Variants in SBNO1 observed in about 807,000 individuals in gnomAD.
The protein encoded by SBNO1 is strawberry notch homolog 1.
Under a neutral mutation model 173.6 loss-of-function variants are expected in SBNO1, and 23 were observed. That is an observed-to-expected ratio of 0.13 (90% CI 0.10 to 0.19). SBNO1 has a LOEUF of 0.19. Ranked by LOEUF, SBNO1 falls within the 10% of genes least tolerant of loss-of-function variation. The pLI is 1.00. For missense variants in SBNO1, 1,238 were observed against 1,671.2 expected (o/e 0.74, Z 4.52); for synonymous variants, 632 against 571.5 (o/e 1.11, Z -1.51).
At chr12:123,325,133 A>T (rs1331029605) in intron 15 of SBNO1, among the ~76,000 whole-genome samples, 1 of 152,204 alleles carries the variant, frequency 6.6e-6, no homozygotes, top group African/African-American at 2.4e-5. Flanking sequence ...AGACTTCGTT[A>T]TATTAGGACA....
chr12:123,339,651 G>C (rs891911066), intron 5 of SBNO1, among the ~76,000 whole-genome samples: 11 of 152,018 alleles, frequency 7.2e-5, no homozygotes, highest in African/African-American at 1.4e-4. Flanking sequence ...GCCAGGGCTG[G>C]TGGTGGGCAC....
Position 123,364,778 on chromosome 12 carries a change from A to AGGC in SBNO1, c.-81_-79dup, listed in dbSNP as rs1566062574. ...GAAGGACCAGAGGCGACTGGAGCGG[A>AGGC]GGCGGCGGTGGCGGCGGCAGCAGCG... On this transcript the variant is annotated 5_prime_UTR_variant, in exon 1 of 32. Transcript: ENST00000602398. 1 of 987,824 alleles carries AGGC rather than the reference A, an allele frequency of 1.0e-6. No homozygotes were observed. Among genetic ancestry groups the AGGC allele is most frequent in the African/African-American group, 1.8e-5 (1 of 57,006 alleles). 61.2% of individuals were successfully genotyped at this position (987,824 alleles called of 1,614,324 possible).
chr12:123,330,409 G>A lies in SBNO1; in HGVS notation c.1134+10C>T. 1 of 1,446,772 alleles carries A rather than the reference G, an allele frequency of 6.9e-7. No homozygotes were observed. Among genetic ancestry groups the A allele is most frequent in the Non-Finnish European group, 9.6e-7 (1 of 1,036,532 alleles). 89.6% of individuals were successfully genotyped at this position (1,446,772 alleles called of 1,614,324 possible). A position where few individuals can be genotyped will look rare whatever the true frequency, so the allele number is the denominator to read the frequency against. On this transcript the variant is annotated intron_variant, in intron 9 of 31. Coordinates refer to ENST00000602398, the MANE Select transcript of SBNO1 (RefSeq NM_001167856.3). ...TATTGAATGACCAACTGAATAAAAAGATTTCATACCTTATTTAACGAATGA... is the reference window on the plus strand; with the variant it reads ...TATTGAATGACCAACTGAATAAAAAAATTTCATACCTTATTTAACGAATGA...
intron 8 of SBNO1, 135 bp downstream of exon 8, chr12:123,331,107 A>C (rs10744153): frequency 0.95 from 725,745 of 762,932 alleles, 345,939 homozygotes; most frequent in Non-Finnish European, 0.96. Flanking sequence ...GGACTACAGG[A>C]ACCCACCATG....
At chr12:123,327,606 T>A in intron 12 of SBNO1, 27 bp from the exon 13 acceptor site, 2 of 1,606,924 alleles carry the variant, frequency 1.2e-6, no homozygotes, top group Non-Finnish European at 1.7e-6. Flanking sequence ...CATACAGTAA[T>A]TACCAATACA....
At chr12:123,297,944 C>T (rs777340603) in intron 31 of SBNO1, 34 bp downstream of exon 31, 1 of 1,598,846 alleles carries the variant, frequency 6.3e-7, no homozygotes, top group South Asian at 1.1e-5. Context: ...CGATTTTTTC[C>T]TGCAACTCAA....
At position 123,298,146 on chromosome 12, in the gene SBNO1, A is replaced by G; in HGVS notation, c.3871T>C (p.Leu1291=). The part of the protein sequence containing the change: ...YWRGNCKKAS[L]GLVCEIGLRC... ...AGACCTATTTCACAAACTAGCCCCA[A>G]GCTTGCTTTTTTGCAATTGCCGCGC... The change falls in exon 31 of 32, where the codon TTG becomes CTG. Residue 1291 remains leucine (L), a synonymous_variant. Transcript: ENST00000602398. The G allele has an allele frequency of 6.2e-7, 1 of 1,612,986 alleles. No individual in the cohort carries two copies. Among genetic ancestry groups the G allele is most frequent in the African/African-American group, 1.3e-5 (1 of 74,972 alleles).
At position 123,309,220 on chromosome 12, in the gene SBNO1, G is replaced by A. The variant is rs887921708; in HGVS notation, c.3630+90C>T. ...AAAATAGACAAAGCTAAACACAACT[G>A]GGAAACAGGTACAAAGTGAAGAGAC... On this transcript the variant is annotated intron_variant, in intron 28 of 31. Transcript: ENST00000602398. 5.4e-6 allele frequency: 5 copies of A among 919,798 alleles called. No homozygotes were observed. The African/African-American group carries it at 6.7e-5, about 12-fold the overall frequency. 57.0% of individuals were successfully genotyped at this position (919,798 alleles called of 1,614,324 possible).
intron 1 of SBNO1, among the ~76,000 whole-genome samples, chr12:123,360,037 C>G (rs992463280): frequency 6.6e-6 from 1 of 152,016 alleles, no homozygotes; most frequent in African/African-American, 2.4e-5. Flanking sequence ...GTCAGGAGTT[C>G]GAGACCAGCC....
chr12:123,299,270 A>G (rs1418670688), intron 30 of SBNO1, among the ~76,000 whole-genome samples: 4 of 152,018 alleles, frequency 2.6e-5, no homozygotes, highest in Non-Finnish European at 5.9e-5. Flanking sequence ...CGGGAAGCTG[A>G]GGCAGGAGAA....
chr12:123,340,965 A>T, intron 5 of SBNO1, 23 bp downstream of exon 5: 3 of 1,371,550 alleles, frequency 2.2e-6, no homozygotes, highest in Non-Finnish European at 3.1e-6. Context: ...ACAAAAATAA[A>T]GACACAGTTA....
intron 6 of SBNO1, among the ~76,000 whole-genome samples, chr12:123,335,390 G>A (rs1871716592): frequency 6.6e-6 from 1 of 152,342 alleles, no homozygotes; most frequent in South Asian, 2.1e-4. Context: ...GGTGGAGGTT[G>A]CAGTGAGGCA....
At chr12:123,358,259 C>T (rs939647735) in intron 1 of SBNO1, among the ~76,000 whole-genome samples, 5 of 152,174 alleles carry the variant, frequency 3.3e-5, no homozygotes, top group Non-Finnish European at 7.3e-5. Context: ...CACGTGAGGT[C>T]AAGAGTGGAA....
At chr12:123,336,360 T>G in intron 6 of SBNO1, 35 bp downstream of exon 6, 1 of 1,262,860 alleles carries the variant, frequency 7.9e-7, no homozygotes, top group Non-Finnish European at 1.1e-6. Flanking sequence ...CAGGAAAACT[T>G]TGATGTAAAT....
intron 6 of SBNO1, 77 bp from the exon 7 acceptor site, chr12:123,334,290 A>C: frequency 1.1e-6 from 1 of 883,718 alleles, no homozygotes; most frequent in Non-Finnish European, 1.7e-6. Context: ...AAGATATTTC[A>C]ATGTTTTTCT....
In SBNO1 at chr12:123,302,911, G is replaced by A; in HGVS notation, c.3769-11C>T. The stretch of plus-strand genomic sequence containing the variant: ...ATCATCTGAGACGACCTGTAAAAAT[G>A]AGAAGAATTTCATTGAAAACAGTAT... On this transcript the variant is annotated splice_polypyrimidine_tract_variant and intron_variant, in intron 29 of 31. Transcript: ENST00000602398. The A allele has an allele frequency of 6.2e-7, 1 of 1,603,590 alleles. No homozygotes were observed. The highest frequency in any genetic ancestry group is 8.5e-7 in the Non-Finnish European group (1 of 1,170,756).
Position 123,321,569 on chromosome 12 carries a change from T to C in SBNO1, c.2289A>G (p.Pro763=), listed in dbSNP as rs145483483. Residue 763 remains proline, a synonymous_variant, in exon 17 of 32, where the codon CCA becomes CCG. Transcript: ENST00000602398. Reference sequence around the variant, plus strand: ...CATCCTCATTAGACTCATCTAAAAATGGGTTGAAATCGTCATCATCTCCAG... The same window carrying C: ...CATCCTCATTAGACTCATCTAAAAACGGGTTGAAATCGTCATCATCTCCAG... The part of the protein sequence containing the change: ...MSSGDDDDFN[P]FLDESNEDDE... 6 of 1,613,866 alleles carry C rather than the reference T, an allele frequency of 3.7e-6. No individual in the cohort carries two copies. The African/African-American group carries it at 4.0e-5, about 11-fold the overall frequency.
At position 123,364,714 on chromosome 12, in the gene SBNO1, C is replaced by T; in HGVS notation, c.-14G>A. ...GGAAGGACTTACTTTCCCCGCGGGA[C>T]CCGGCGCCAGCACAGCTCCTCCCGG... On this transcript the variant is annotated 5_prime_UTR_variant, in exon 1 of 32. Transcript: ENST00000602398. 2 of 985,706 alleles carry T rather than the reference C, an allele frequency of 2.0e-6. No individual in the cohort carries two copies. The highest frequency in any genetic ancestry group is 2.4e-6 in the Non-Finnish European group (2 of 830,054). The allele number at this position is 985,706 out of a possible 1,614,324, so 61.1% of individuals were successfully genotyped here.
chr12:123,326,300 G>A lies in SBNO1; in HGVS notation c.1727C>T (p.Ala576Val). The change falls in exon 14 of 32, where the codon GCA becomes GTA. Residue 576 changes from alanine (A) to valine (V), a missense_variant. This residue lies in a region of SBNO1 where 182 missense variants were observed against 339.9 expected (regional missense o/e 0.54). Transcript: ENST00000602398. The part of the protein sequence containing the change: ...VIARERFQQA[A>V]DLIDAEQRMK... ...TCGTTGCTCAGCATCAATCAGATCT[G>A]CAGCTTGCTGAAACCGCTCTCTGGC... The A allele has an allele frequency of 6.2e-7, 1 of 1,607,548 alleles. No individual in the cohort carries two copies. Among genetic ancestry groups the A allele is most frequent in the South Asian group, 1.1e-5 (1 of 89,970 alleles).
Sources: gnomAD v4.1 joint callset for allele counts (sites outside exome capture counted in the v4.1 genomes callset) on GRCh38, gnomAD v4.1.1 for gene constraint, gnomAD v4.1.1 regional missense constraint, MANE v1.5 for transcripts, NCBI Gene and HGNC (gene_info 2026-07-23, HGNC 2026-07-21) for gene names.